Variants in KMT2E observed in about 807,000 individuals in gnomAD.
KMT2E encodes the protein lysine methyltransferase 2E (inactive).
KMT2E carries 30 observed loss-of-function variants against 184.6 expected under a neutral mutation model. The observed-to-expected ratio is 0.16, with a 90% confidence interval of 0.12 to 0.22. KMT2E has a LOEUF of 0.22. Ranked by LOEUF, KMT2E falls within the 10% of genes least tolerant of loss-of-function variation. KMT2E has a pLI of 1.00. For missense variants in KMT2E, 2,023 were observed against 2,237.4 expected (o/e 0.90, Z 1.93); for synonymous variants, 815 against 776.5 (o/e 1.05, Z -0.82).
Position 105,066,820 on chromosome 7 carries a change from TATCTG to T in KMT2E, c.497+16_497+20del, listed in dbSNP as rs1479963531. 6.4e-7 allele frequency: 1 copy of T among 1,560,012 alleles called. No individual in the cohort carries two copies. Among genetic ancestry groups the T allele is most frequent in the East Asian group, 2.2e-5 (1 of 44,582 alleles). On this transcript the variant is annotated intron_variant, in intron 6 of 26. Transcript: ENST00000311117. ...GTTGTCAGCCTAGGTAAGTTGCACA[TATCTG>T]ATAACATTGCCAGTAATTTTACTGA...
rs1796296364 is a variant in KMT2E at position 105,050,661 on chromosome 7, TCTTTTTTCTTTC to T, written c.71+9639_71+9650del. ...CTCTTTTCTTTTTTCTTTCTTTCTT[TCTTTTTTCTTTC>T]TTTCTTTCTTTCTTTCTCTTTCTCT... On this transcript the variant is annotated intron_variant, in intron 3 of 26. Coordinates refer to ENST00000311117, the MANE Select transcript of KMT2E (RefSeq NM_182931.3). 3.0e-4 allele frequency among the ~76,000 whole-genome samples: 46 copies of T among 151,644 alleles called. 1 individual carries two copies. Among genetic ancestry groups the T allele is most frequent in the Admixed American group, 2.4e-3 (37 of 15,220 alleles).
intron 1 of KMT2E, 123 bp downstream of exon 1, chr7:105,014,658 G>A (rs754118397): frequency 6.6e-6 from 1 of 152,192 alleles, no homozygotes; most frequent in Non-Finnish European, 1.5e-5. Flanking sequence ...TTGACTCTCA[G>A]GTGTCTTTGC....
At chr7:105,033,568 G>T (rs916098976) in intron 1 of KMT2E, among the ~76,000 whole-genome samples, 1 of 151,918 alleles carries the variant, frequency 6.6e-6, no homozygotes, top group Non-Finnish European at 1.5e-5. Flanking sequence ...TCATGATCTC[G>T]GCCCACTGCA....
chr7:105,050,448 TTAAATA>T (rs1467956462), intron 3 of KMT2E, among the ~76,000 whole-genome samples: 2 of 152,270 alleles, frequency 1.3e-5, no homozygotes, highest in East Asian at 3.9e-4. Context: ...TTACCTGACT[TTAAATA>T]TAATCTCTGT....
rs1264007596 is a variant in KMT2E, at chr7:105,101,605, G to T, written c.1887+16G>T. On this transcript the variant is annotated intron_variant, in intron 16 of 26. Coordinates refer to ENST00000311117, the MANE Select transcript of KMT2E (RefSeq NM_182931.3). Reference sequence around the variant, plus strand: ...AGTTATTCAGGTATTATTTATTCAGGTCGTTTTATTTTCTTAAACACTTTA... The same window carrying T: ...AGTTATTCAGGTATTATTTATTCAGTTCGTTTTATTTTCTTAAACACTTTA... 9.3e-6 allele frequency: 14 copies of T among 1,508,578 alleles called. No individual in the cohort carries two copies. Among genetic ancestry groups the T allele is most frequent in the Non-Finnish European group, 1.2e-5 (14 of 1,134,814 alleles). The allele number at this position is 1,508,578 out of a possible 1,614,324, so 93.4% of individuals were successfully genotyped here. A position where few individuals can be genotyped will look rare whatever the true frequency, so the allele number is the denominator to read the frequency against.
chr7:105,043,482 C>T (rs539172100), intron 3 of KMT2E, among the ~76,000 whole-genome samples: 386 of 152,006 alleles, frequency 2.5e-3, no homozygotes, highest in African/African-American at 8.7e-3. Flanking sequence ...GTGATCCACC[C>T]GCCTCGGCCT....
chr7:105,066,667 A>G, intron 5 of KMT2E, 60 bp from the exon 6 acceptor site: 1 of 1,327,026 alleles, frequency 7.5e-7, no homozygotes, highest in Non-Finnish European at 1.1e-6. Context: ...TGGAATATCA[A>G]ATCTTAATTT....
intron 13 of KMT2E, among the ~76,000 whole-genome samples, chr7:105,082,172 CAAAAGAAAA>C: frequency 6.6e-6 from 1 of 152,060 alleles, no homozygotes; most frequent in South Asian, 2.1e-4. Context: ...CCCCTCAAAA[CAAAAGAAAA>C]TTTTCTTTGC....
intron 13 of KMT2E, 152 bp from the exon 14 acceptor site, chr7:105,089,857 T>C: frequency 9.0e-7 from 1 of 1,115,204 alleles, no homozygotes; most frequent in South Asian, 1.7e-5. Flanking sequence ...TTTTTTGTGG[T>C]AGTTAACTAG....
At chr7:105,059,991 T>G (rs1298217482) in intron 3 of KMT2E, among the ~76,000 whole-genome samples, 8 of 67,196 alleles carry the variant, frequency 1.2e-4, no homozygotes, top group South Asian at 5.6e-4. Flanking sequence ...TTTTTTTTTT[T>G]TTTTTTTTTT....
Position 105,101,602 on chromosome 7 carries a change from C to T in KMT2E, c.1887+13C>T. ...TGAAGTTATTCAGGTATTATTTATT[C>T]AGGTCGTTTTATTTTCTTAAACACT... is the stretch of plus-strand genomic sequence containing the variant. On this transcript the variant is annotated intron_variant, in intron 16 of 26. Transcript: ENST00000311117. The T allele has an allele frequency of 6.6e-7, 1 of 1,515,832 alleles. No homozygotes were observed. Among genetic ancestry groups the T allele is most frequent in the Non-Finnish European group, 8.8e-7 (1 of 1,138,968 alleles). The allele number at this position is 1,515,832 out of a possible 1,614,324, so 93.9% of individuals were successfully genotyped here.
At chr7:105,071,580 G>GTATATATATATATATATA (rs1438005247) in intron 6 of KMT2E, among the ~76,000 whole-genome samples, 47 of 64,964 alleles carry the variant, frequency 7.2e-4, no homozygotes, top group Non-Finnish European at 9.1e-4. Flanking sequence ...GTATGTGTGT[G>GTATATATATATATATATA]TGTATATATA....
At chr7:105,106,097 T>C in intron 19 of KMT2E, 94 bp downstream of exon 19, 1 of 1,235,076 alleles carries the variant, frequency 8.1e-7, no homozygotes, top group South Asian at 1.5e-5. Flanking sequence ...TGGTATGCAC[T>C]TTAGAAGAGA....
At chr7:105,088,373 G>A (rs909145149) in intron 13 of KMT2E, among the ~76,000 whole-genome samples, 9 of 152,170 alleles carry the variant, frequency 5.9e-5, no homozygotes, top group East Asian at 1.9e-4. Flanking sequence ...TTTGGGAGGC[G>A]GGAGGTAGGA....
intron 5 of KMT2E, among the ~76,000 whole-genome samples, chr7:105,065,300 A>T (rs965058334): frequency 1.3e-5 from 2 of 152,168 alleles, no homozygotes; most frequent in African/African-American, 4.8e-5. Flanking sequence ...GCATGACATC[A>T]TTACTTGCCC....
intron 17 of KMT2E, chr7:105,103,102 C>T (rs958733876): frequency 3.9e-5 from 6 of 152,070 alleles, no homozygotes; most frequent in Non-Finnish European, 7.4e-5. Flanking sequence ...TTGCCTGTAA[C>T]AATGGACAAA....
In KMT2E at chr7:105,113,488, A is replaced by G. The variant is rs913360884; in HGVS notation, c.*155A>G. ...TATTTTTCTCATTTTTGCTTTTTAA[A>G]ATTCCTTTAAAAAATGTGCTGTTAA... On this transcript the variant is annotated 3_prime_UTR_variant, in exon 27 of 27. Coordinates refer to ENST00000311117, the MANE Select transcript of KMT2E (RefSeq NM_182931.3). 6 of 838,450 alleles carry G rather than the reference A, an allele frequency of 7.2e-6. No individual in the cohort carries two copies. The highest frequency in any genetic ancestry group is 3.6e-4 in the Middle Eastern group (1 of 2,758). The allele number at this position is 838,450 out of a possible 1,614,324, so 51.9% of individuals were successfully genotyped here.
intron 3 of KMT2E, among the ~76,000 whole-genome samples, chr7:105,042,947 T>A (rs572649505): frequency 6.6e-6 from 1 of 152,290 alleles, no homozygotes; most frequent in Admixed American, 6.5e-5. Flanking sequence ...GAAATGTATG[T>A]TATTGGAGGT....
At chr7:105,047,865 C>T (rs977617349) in intron 3 of KMT2E, among the ~76,000 whole-genome samples, 8 of 152,190 alleles carry the variant, frequency 5.3e-5, no homozygotes, top group African/African-American at 1.9e-4. Context: ...GAAAACAACT[C>T]TGGTTGAAAT....
Sources: allele counts gnomAD v4.1 joint callset (sites outside exome capture counted in the v4.1 genomes callset), GRCh38; gene constraint gnomAD v4.1.1; transcripts MANE v1.5; gene names NCBI Gene and HGNC (gene_info 2026-07-23, HGNC 2026-07-21).